The following NCOR2 variants were observed in gnomAD, a reference collection of about 807,000 sequenced individuals.
The protein encoded by NCOR2 is nuclear receptor corepressor 2.
A neutral mutation model predicts 262.9 loss-of-function variants in NCOR2; 81 were observed. The ratio of observed to expected loss-of-function variants is 0.31; its 90% confidence interval spans 0.26 to 0.37. The LOEUF is 0.37. Among genes scored for constraint, NCOR2 ranks in the 10% least tolerant of loss-of-function variants. The pLI, the probability that NCOR2 is intolerant of heterozygous loss-of-function variation, is 1.00. For synonymous variants in NCOR2, 1,659 were observed against 1,559.3 expected, an observed-to-expected ratio of 1.06 and a Z score of -1.51; for missense variants, 3,385 against 3,621.4, an observed-to-expected ratio of 0.93 and a Z score of 1.68.
rs1338757257 is a variant in NCOR2, at chr12:124,449,750, G to A, written c.815+65C>T. 5.1e-6 allele frequency: 8 copies of A among 1,567,870 alleles called. No homozygotes were observed. In the East Asian group the frequency reaches 1.4e-4, roughly 26 times the overall value. On this transcript the variant is annotated intron_variant, in intron 7 of 46. Coordinates refer to ENST00000405201, the Ensembl canonical transcript of NCOR2. ...AGCCCACGTCCCACATCCCATGCAG[G>A]CTGCTGAGAGCCTGCTCGCCCACCC...
At chr12:124,542,164 G>C (rs1183326668) in intron 1 of NCOR2, among the ~76,000 whole-genome samples, 1 of 151,840 alleles carries the variant, frequency 6.6e-6, no homozygotes, top group African/African-American at 2.4e-5. Flanking sequence ...TCAATGCTGG[G>C]CAAGGGCTTG....
rs564342049 is a variant in NCOR2 at position 124,404,293 on chromosome 12, T to A, written c.1483-1732A>T. On this transcript the variant is annotated intron_variant, in intron 13 of 46. Transcript: ENST00000405201. The stretch of plus-strand genomic sequence containing the variant: ...GGATGCCGTCTCCCCGGGTCAGATG[T>A]CCCTGGCAACAGCCCAGGGCCAGAG... Among the ~76,000 whole-genome samples the A allele has an allele frequency of 4.1e-4, 62 of 152,262 alleles. No individual in the cohort carries two copies. In the East Asian group the frequency reaches 8.3e-3, roughly 20 times the overall value.
At chr12:124,508,540 G>A (rs1429618897) in intron 1 of NCOR2, among the ~76,000 whole-genome samples, 2 of 152,198 alleles carry the variant, frequency 1.3e-5, no homozygotes, top group Admixed American at 6.5e-5. Context: ...ACGCCGAGGG[G>A]AGGGGCCCGC....
chr12:124,498,986 G>A (rs1206726607), upstream of NCOR2, among the ~76,000 whole-genome samples: 1 of 152,266 alleles, frequency 6.6e-6, no homozygotes, highest in African/African-American at 2.4e-5. Flanking sequence ...GGCAGGGTGA[G>A]GCAGGAATGA....
intron 1 of NCOR2, among the ~76,000 whole-genome samples, chr12:124,558,146 T>A (rs1290911894): frequency 1.3e-5 from 2 of 151,856 alleles, no homozygotes; most frequent in African/African-American, 4.8e-5. Context: ...GAGTTCAATG[T>A]GAGGACAAAC....
exon 47 of NCOR2, chr12:124,325,570 G>C: frequency 1.5e-6 from 2 of 1,299,660 alleles, no homozygotes; most frequent in Non-Finnish European, 2.0e-6. Flanking sequence ...GGTTGTAGGG[G>C]AATGGCGTGG....
chr12:124,477,508 G>C (rs972350152), intron 3 of NCOR2, among the ~76,000 whole-genome samples: 3 of 152,192 alleles, frequency 2.0e-5, no homozygotes, highest in Non-Finnish European at 4.4e-5. Flanking sequence ...TGAGTATGGG[G>C]GTCTCCTTTT....
intron 4 of NCOR2, among the ~76,000 whole-genome samples, chr12:124,472,607 C>T (rs1794942): frequency 0.15 from 22,903 of 152,200 alleles, 1,858 homozygotes; most frequent in East Asian, 0.21. Flanking sequence ...AAATCCTGAA[C>T]TTTCACCCTC....
At position 124,523,372 on chromosome 12, in the gene NCOR2, C is replaced by T. The variant is rs764090461; in HGVS notation, c.-118+12193G>A. Among the ~76,000 whole-genome samples the T allele has an allele frequency of 2.0e-5, 3 of 152,122 alleles. No homozygotes were observed. The highest frequency in any genetic ancestry group is 4.8e-5 in the African/African-American group (2 of 41,426). On this transcript the variant is annotated intron_variant, in intron 1 of 46. Coordinates refer to the NCOR2 transcript ENST00000404621. This position sits in a 1 kb window ranked among gnomAD's most constrained non-coding sequence, Gnocchi z 4.0. ...CTGGGGCTCCTGGGAACCCACACCC[C>T]GGTGGCAGGGGCAGCGGCAGAGGAA... is the stretch of plus-strand genomic sequence containing the variant.
At chr12:124,402,286 C>A (rs1451899464) in intron 14 of NCOR2, 118 bp downstream of exon 16, 10 of 1,538,770 alleles carry the variant, frequency 6.5e-6, no homozygotes, top group East Asian at 2.3e-5. Context: ...AGCCCTCCCC[C>A]CTGCTCACAG....
chr12:124,427,523 G>A (rs2043623022), intron 10 of NCOR2, among the ~76,000 whole-genome samples: 1 of 152,188 alleles, frequency 6.6e-6, no homozygotes, highest in Non-Finnish European at 1.5e-5. Flanking sequence ...GCGTAGCCAA[G>A]GTCAGCCAGT....
chr12:124,336,949 G>T, exon 38 of NCOR2: 1 of 1,540,736 alleles, frequency 6.5e-7, no homozygotes, highest in East Asian at 2.3e-5. Flanking sequence ...CCGAGCCCTT[G>T]CTGGGGGAGG....
At chr12:124,519,383 A>C (rs1331525827) in intron 1 of NCOR2, among the ~76,000 whole-genome samples, 2 of 152,162 alleles carry the variant, frequency 1.3e-5, no homozygotes, top group African/African-American at 4.8e-5. Context: ...CTAGCAGCCA[A>C]GAGTTGGGCC....
chr12:124,490,885 C>A (rs1300708659), intron 1 of NCOR2, among the ~76,000 whole-genome samples: 1 of 152,274 alleles, frequency 6.6e-6, no homozygotes, highest in Non-Finnish European at 1.5e-5. Flanking sequence ...TCTGACCCTG[C>A]CGGACTGGGC....
chr12:124,428,044 A>AGTGTGTGTGTGTGTGCGT (rs1555221786), intron 10 of NCOR2, among the ~76,000 whole-genome samples: 3 of 112,398 alleles, frequency 2.7e-5, no homozygotes, highest in Non-Finnish European at 5.8e-5. Context: ...CCATGTGGCC[A>AGTGTGTGTGTGTGTGCGT]GTGTGTGTGT....
intron 21 of NCOR2, among the ~76,000 whole-genome samples, chr12:124,362,572 C>T (rs938136200): frequency 6.8e-6 from 1 of 147,986 alleles, no homozygotes; most frequent in African/African-American, 2.5e-5. Context: ...ACAGGGGGAA[C>T]CCACCTCCCC....
At position 124,466,621 on chromosome 12, in the gene NCOR2, T is replaced by C. The variant is rs1460583397; in HGVS notation, c.592-335A>G. On this transcript the variant is annotated intron_variant, in intron 4 of 46. Coordinates refer to ENST00000405201, the Ensembl canonical transcript of NCOR2. Reference sequence around the variant, plus strand: ...CTGATTGCCGTGCCGCCATTCTGACTGTGGTGAGAACTGAATGAGTTACAC... The same window carrying C: ...CTGATTGCCGTGCCGCCATTCTGACCGTGGTGAGAACTGAATGAGTTACAC... 2.0e-5 allele frequency among the ~76,000 whole-genome samples: 3 copies of C among 152,222 alleles called. No individual in the cohort carries two copies. The East Asian group carries it at 5.8e-4, about 29-fold the overall frequency.
At chr12:124,397,905 C>T (rs527861565) in intron 16 of NCOR2, among the ~76,000 whole-genome samples, 1 of 152,368 alleles carries the variant, frequency 6.6e-6, no homozygotes, top group South Asian at 2.1e-4. Context: ...CAAAGACAAG[C>T]CTGACAGCGC....
chr12:124,429,403 C>A (rs1421554554), intron 10 of NCOR2: 1 of 576,680 alleles, frequency 1.7e-6, no homozygotes, highest in East Asian at 2.9e-5. Context: ...CTGCTACCCT[C>A]CCTCTCAGAC....
Sources: gnomAD v4.1 joint callset for allele counts (sites outside exome capture counted in the v4.1 genomes callset) on GRCh38, gnomAD v4.1.1 for gene constraint, Gnocchi (gnomAD v3.1) non-coding constraint, MANE v1.5 for transcripts, NCBI Gene and HGNC (gene_info 2026-07-23, HGNC 2026-07-21) for gene names.